IRAK1BP1: variants seen among roughly 807,000 people sequenced by gnomAD.
The protein encoded by IRAK1BP1 is interleukin-1 receptor-associated kinase 1-binding protein 1.
In IRAK1BP1, 24 loss-of-function variants were observed where a neutral mutation model predicts 28.0. The observed-to-expected ratio is 0.86, with a 90% CI of 0.62 to 1.20. The LOEUF (loss-of-function observed/expected upper bound fraction) is 1.20. IRAK1BP1 is among the 50% of genes most tolerant of loss of function. The pLI, the probability that IRAK1BP1 is intolerant of heterozygous loss-of-function variation, is 0.00. For synonymous variants in IRAK1BP1, 131 were observed against 116.3 expected, an observed-to-expected ratio of 1.13 and a Z score of -0.81; for missense variants, 336 against 316.7, an observed-to-expected ratio of 1.06 and a Z score of -0.46.
chr6:78,922,388 G>C (rs1202987848), intron 4 of IRAK1BP1, among the ~76,000 whole-genome samples: 3 of 152,164 alleles, frequency 2.0e-5, no homozygotes, highest in Non-Finnish European at 4.4e-5. Context: ...AGAGTAAAAA[G>C]AAATGAACAA....
chr6:78,880,346 T>G (rs1365033758), intron 1 of IRAK1BP1, among the ~76,000 whole-genome samples: 4 of 152,234 alleles, frequency 2.6e-5, no homozygotes, highest in Non-Finnish European at 4.4e-5. Context: ...ATCATGTTTG[T>G]GCTTAAAAAC....
downstream of IRAK1BP1, chr6:78,946,707 A>C: frequency 6.5e-7 from 1 of 1,542,226 alleles, no homozygotes; most frequent in Non-Finnish European, 8.7e-7. Flanking sequence ...AAGAAATTAA[A>C]TACCTTGATG....
At chr6:78,919,315 G>A (rs574819002) in intron 4 of IRAK1BP1, among the ~76,000 whole-genome samples, 20 of 152,108 alleles carry the variant, frequency 1.3e-4, no homozygotes, top group African/African-American at 4.8e-4. Context: ...TAGCCCCAAA[G>A]TGACCAAAGG....
chr6:78,878,212 C>T (rs914117711), intron 1 of IRAK1BP1, among the ~76,000 whole-genome samples: 1 of 152,142 alleles, frequency 6.6e-6, no homozygotes, highest in Admixed American at 6.5e-5. Flanking sequence ...GGTCTCTGAC[C>T]CCCGAGTAGC....
chr6:78,871,554 A>T, intron 1 of IRAK1BP1: 1 of 983,774 alleles, frequency 1.0e-6, no homozygotes, highest in Non-Finnish European at 1.2e-6. Flanking sequence ...AGTTCTTGCA[A>T]TGGACTAAAT....
chr6:78,932,082 AG>A (rs1337882072), intron 4 of IRAK1BP1, among the ~76,000 whole-genome samples: 5 of 152,212 alleles, frequency 3.3e-5, no homozygotes, highest in African/African-American at 1.2e-4. Context: ...ATCCATAAGA[AG>A]CAACTCCTTA....
intron 4 of IRAK1BP1, among the ~76,000 whole-genome samples, chr6:78,921,637 C>A (rs917373564): frequency 2.1e-4 from 32 of 152,208 alleles, no homozygotes; most frequent in African/African-American, 7.2e-4. Context: ...TCAAGTGGGT[C>A]CCTGACCCAC....
intron 4 of IRAK1BP1, among the ~76,000 whole-genome samples, chr6:78,943,200 T>C (rs1028363003): frequency 3.3e-5 from 5 of 152,206 alleles, no homozygotes; most frequent in Non-Finnish European, 7.4e-5. Flanking sequence ...GCTTGTATTA[T>C]ATTCCACTAG....
At chr6:78,872,121 T>C (rs1408583094) in intron 1 of IRAK1BP1, 2 of 701,698 alleles carry the variant, frequency 2.9e-6, no homozygotes, top group Non-Finnish European at 5.2e-6. Flanking sequence ...CCCCTTGGGG[T>C]CGGATAATTC....
chr6:78,909,493 A>T (rs1018353752), intron 4 of IRAK1BP1, among the ~76,000 whole-genome samples: 1 of 152,348 alleles, frequency 6.6e-6, no homozygotes, highest in Middle Eastern at 3.4e-3. Context: ...TTAAAGAGAC[A>T]TGTATTTGTA....
At chr6:78,924,369 A>G (rs1772828142) in intron 4 of IRAK1BP1, among the ~76,000 whole-genome samples, 1 of 152,218 alleles carries the variant, frequency 6.6e-6, no homozygotes, top group South Asian at 2.1e-4. Flanking sequence ...TAAACCAGGA[A>G]GAAGTTGAAT....
At chr6:78,934,011 A>G (rs557515654) in intron 4 of IRAK1BP1, among the ~76,000 whole-genome samples, 16 of 152,186 alleles carry the variant, frequency 1.1e-4, no homozygotes, top group Non-Finnish European at 1.6e-4. Context: ...GATGAAAGTG[A>G]GAGACTTGAG....
chr6:78,973,710 A>G, the IRAK1BP1 span, among the ~76,000 whole-genome samples: 3 of 152,034 alleles, frequency 2.0e-5, no homozygotes, highest in Admixed American at 2.0e-4. Context: ...AAAACAAAAA[A>G]AGACAGGGGT....
intron 4 of IRAK1BP1, among the ~76,000 whole-genome samples, chr6:78,908,654 T>C (rs1772321947): frequency 1.3e-5 from 2 of 152,172 alleles, no homozygotes; most frequent in Non-Finnish European, 2.9e-5. Context: ...ATGGCACTCA[T>C]TGGTCAGTGT....
At chr6:78,928,997 T>TTTTG (rs1772969480) in intron 4 of IRAK1BP1, among the ~76,000 whole-genome samples, 1 of 152,160 alleles carries the variant, frequency 6.6e-6, no homozygotes, top group South Asian at 2.1e-4. Flanking sequence ...TTTTGTCTGG[T>TTTTG]TTTGGTATTA....
chr6:78,946,181 A>G lies in IRAK1BP1; in HGVS notation c.*841A>G. 1 of 1,613,804 alleles carries G rather than the reference A, an allele frequency of 6.2e-7. No homozygotes were observed. The highest frequency in any genetic ancestry group is 8.5e-7 in the Non-Finnish European group (1 of 1,179,774). Reference sequence around the variant, plus strand: ...GCAGCATTGTGTCTTGGCGGTATTGATCGTGTAGGTGTAGAGAATGCAGAG... The same window carrying G: ...GCAGCATTGTGTCTTGGCGGTATTGGTCGTGTAGGTGTAGAGAATGCAGAG... On this transcript the variant is annotated 3_prime_UTR_variant and NMD_transcript_variant, in exon 5 of 5. Coordinates refer to the IRAK1BP1 transcript ENST00000606868.
the IRAK1BP1 span, chr6:78,955,550 C>T: frequency 1.8e-5 from 11 of 613,204 alleles, no homozygotes; most frequent in South Asian, 4.3e-5. Context: ...CTGAAAACTA[C>T]AATATGTAAA....
At chr6:78,934,774 G>A (rs190129516) in intron 4 of IRAK1BP1, among the ~76,000 whole-genome samples, 9 of 152,188 alleles carry the variant, frequency 5.9e-5, no homozygotes, top group African/African-American at 2.2e-4. Flanking sequence ...GAAGCTCTGA[G>A]ATACGACTTT....
At chr6:78,961,251 G>A in the IRAK1BP1 span, among the ~76,000 whole-genome samples, 6 of 151,734 alleles carry the variant, frequency 4.0e-5, no homozygotes, top group Admixed American at 1.3e-4. Flanking sequence ...ATGATAAGCT[G>A]AATACAGGCA....
Sources: gnomAD v4.1 joint callset for allele counts (sites outside exome capture counted in the v4.1 genomes callset) on GRCh38, gnomAD v4.1.1 for gene constraint, MANE v1.5 for transcripts, NCBI Gene and HGNC (gene_info 2026-07-23, HGNC 2026-07-21) for gene names.